Variants in VPS13C observed in about 807,000 individuals in gnomAD.
VPS13C encodes intermembrane lipid transfer protein VPS13C.
Under a neutral mutation model 456.8 loss-of-function variants are expected in VPS13C, and 358 were observed. The ratio of observed to expected loss-of-function variants is 0.78; its 90% confidence interval spans 0.72 to 0.86. The LOEUF is 0.86. VPS13C is among the 40% of genes least tolerant of loss of function. VPS13C has a pLI of 0.00. For missense variants in VPS13C, 4,818 were observed against 4,385.4 expected, an observed-to-expected ratio of 1.10 and a Z score of -2.79; for synonymous variants, 1,578 against 1,486.7, an observed-to-expected ratio of 1.06 and a Z score of -1.41.
Position 61,911,855 on chromosome 15 carries a change from A to AT in VPS13C, c.8699dup (p.Tyr2900Ter). The change falls in exon 63 of 85, where the codon TAT becomes TAAT. Residue 2900 changes from tyrosine (Y) to a stop codon, truncating the protein, a stop_gained and frameshift_variant. Coordinates refer to ENST00000644861, the MANE Select transcript of VPS13C (RefSeq NM_020821.3). LOFTEE classifies it high-confidence loss of function. The stretch of plus-strand genomic sequence containing the variant: ...AAAATGCTACCTCTGAAGAAGCAAT[A>AT]TAGTTCCATTTATTAGTTGGCATTG... ...DGSMPTNKWN[Y>*]IASSECLPFW... 6.2e-7 allele frequency: 1 copy of AT among 1,610,056 alleles called. No homozygotes were observed. Among genetic ancestry groups the AT allele is most frequent in the Non-Finnish European group, 8.5e-7 (1 of 1,178,186 alleles).
chr15:62,048,805 G>A (rs1335236425), intron 1 of VPS13C, among the ~76,000 whole-genome samples: 2 of 152,138 alleles, frequency 1.3e-5, no homozygotes, highest in African/African-American at 4.8e-5. Flanking sequence ...TCTAACTGGT[G>A]TGAGATGGTA....
At chr15:62,017,794 T>G (rs913624676) in intron 9 of VPS13C, among the ~76,000 whole-genome samples, 4 of 152,168 alleles carry the variant, frequency 2.6e-5, no homozygotes, top group Admixed American at 6.5e-5. Context: ...CATACGAACT[T>G]TAAAGTAGTT....
At chr15:61,915,495 CTT>C in intron 61 of VPS13C, 136 bp downstream of exon 61, 1 of 937,238 alleles carries the variant, frequency 1.1e-6, no homozygotes, top group East Asian at 2.7e-5. Context: ...CTTGATTACG[CTT>C]AAGTCTCCTT....
chr15:62,040,510 A>G (rs949198991), intron 3 of VPS13C, among the ~76,000 whole-genome samples: 1 of 152,092 alleles, frequency 6.6e-6, no homozygotes, highest in African/African-American at 2.4e-5. Flanking sequence ...ATTAAAAATA[A>G]AAAAATTTAA....
intron 11 of VPS13C, 27 bp downstream of exon 11, chr15:62,013,012 G>C (rs769035015): frequency 5.1e-6 from 8 of 1,572,708 alleles, no homozygotes; most frequent in Non-Finnish European, 7.0e-6. Flanking sequence ...AGTGAAGTTA[G>C]CTCTTCCAAG....
In VPS13C at chr15:61,964,819, G is replaced by A. The variant is rs2045328484; in HGVS notation, c.3094C>T (p.Leu1032Phe). ...SLNLLLQTQALVASINYLTTI... is the reference protein window; with the variant it reads ...SLNLLLQTQAFVASINYLTTI... ...GTGAGGTAATTAATAGAAGCGACAA[G>A]AGCTTGTGTTTGCAGCAACAGATTT... The change falls in exon 31 of 85, where the codon CTT (leucine) becomes TTT (phenylalanine). Residue 1032 changes from leucine (L) to phenylalanine (F), a missense_variant. Physicochemically the swap from Leu to Phe is conservative, Grantham distance 22. Around this residue, in one of 3 missense-constraint regions of VPS13C, gnomAD observed 4,552 missense variants for 4,130.6 expected, o/e 1.10. Transcript: ENST00000644861. 3.7e-6 allele frequency: 6 copies of A among 1,609,422 alleles called. No homozygotes were observed. The East Asian group carries it at 1.1e-4, about 30-fold the overall frequency.
chr15:62,013,148 C>G (rs367660887), intron 10 of VPS13C, 29 bp from the exon 11 acceptor site: 24 of 1,493,988 alleles, frequency 1.6e-5, no homozygotes, highest in Non-Finnish European at 2.2e-5. Flanking sequence ...AGAGATCAGG[C>G]AATCAACACA....
At chr15:61,887,850 G>C (rs1026927859) in intron 67 of VPS13C, among the ~76,000 whole-genome samples, 10 of 152,082 alleles carry the variant, frequency 6.6e-5, no homozygotes, top group African/African-American at 2.2e-4. Flanking sequence ...GAAGAGAATT[G>C]ATAAGTCTGA....
At chr15:61,908,914 G>T (rs1434931177) in intron 65 of VPS13C, 78 bp downstream of exon 65, 3 of 1,517,810 alleles carry the variant, frequency 2.0e-6, no homozygotes, top group African/African-American at 2.8e-5. Context: ...AAAACATTTT[G>T]AATATGAAAC....
At chr15:61,893,333 A>T (rs1249750944) in intron 66 of VPS13C, among the ~76,000 whole-genome samples, 3 of 152,178 alleles carry the variant, frequency 2.0e-5, no homozygotes, top group African/African-American at 7.2e-5. Context: ...AACATACTCA[A>T]AGTGTTGAAG....
Position 61,922,740 on chromosome 15 carries a change from G to C in VPS13C, c.6632C>G (p.Thr2211Ser). The C allele has an allele frequency of 6.3e-7, 1 of 1,593,532 alleles. No individual in the cohort carries two copies. Among genetic ancestry groups the C allele is most frequent in the Non-Finnish European group, 8.5e-7 (1 of 1,173,108 alleles). ...CAATGCAGCCATGATTGTCAACACAGTATTAAGAATTATGGGTGAAATCTT... is the reference window on the plus strand; with the variant it reads ...CAATGCAGCCATGATTGTCAACACACTATTAAGAATTATGGGTGAAATCTT... ...IIKISPIILN[T>S]VLTIMAALSP... is the part of the protein sequence containing the mutation. Residue 2211 changes from threonine to serine, a missense_variant, in exon 54 of 85, where the codon ACT (threonine) becomes AGT (serine). Physicochemically the swap from Thr to Ser is moderately conservative, Grantham distance 58 (BLOSUM62 1). Transcript: ENST00000644861.
At chr15:61,980,119 G>A (rs2045832103) in intron 22 of VPS13C, among the ~76,000 whole-genome samples, 1 of 135,050 alleles carries the variant, frequency 7.4e-6, no homozygotes, top group Admixed American at 9.1e-5. Context: ...AGGAGGCAAA[G>A]GTTGCAGTGA....
intron 42 of VPS13C, among the ~76,000 whole-genome samples, chr15:61,947,741 A>G (rs920449713): frequency 1.6e-4 from 24 of 152,204 alleles, no homozygotes; most frequent in African/African-American, 5.8e-4. Context: ...AATAAAATAC[A>G]TATTATTTAC....
chr15:62,014,026 G>T (rs769767220), intron 9 of VPS13C, 34 bp from the exon 10 acceptor site: 30 of 1,536,580 alleles, frequency 2.0e-5, no homozygotes, highest in Non-Finnish European at 2.6e-5. Context: ...GTGAAACGTG[G>T]TATGGATGTC....
chr15:61,950,493 AC>A, intron 40 of VPS13C, 76 bp from the exon 41 acceptor site: 3 of 1,150,048 alleles, frequency 2.6e-6, no homozygotes, highest in Non-Finnish European at 3.8e-6. Flanking sequence ...CATATTCTTT[AC>A]TTTTCTAAGT....
At chr15:61,980,435 T>C (rs1398261204) in intron 22 of VPS13C, among the ~76,000 whole-genome samples, 1 of 152,178 alleles carries the variant, frequency 6.6e-6, no homozygotes, top group African/African-American at 2.4e-5. Flanking sequence ...GAGAGTGTTC[T>C]GACAAAGTCA....
intron 19 of VPS13C, among the ~76,000 whole-genome samples, 160 bp downstream of exon 19, chr15:61,984,697 C>T (rs928128475): frequency 6.6e-6 from 1 of 152,064 alleles, no homozygotes; most frequent in Non-Finnish European, 1.5e-5. Context: ...CACACAGCTC[C>T]ACAACAAAAC....
intron 18 of VPS13C, among the ~76,000 whole-genome samples, chr15:61,988,536 T>G (rs534562968): frequency 6.6e-6 from 1 of 152,330 alleles, no homozygotes; most frequent in African/African-American, 2.4e-5. Flanking sequence ...AATTAATTTA[T>G]AGAGTCAATA....
chr15:61,940,544 A>G (rs967280539), intron 47 of VPS13C, 103 bp downstream of exon 47: 2 of 1,168,158 alleles, frequency 1.7e-6, no homozygotes, highest in Non-Finnish European at 2.3e-6. Context: ...AGCTTTATCA[A>G]TAACGTAGCA....
Sources: allele counts gnomAD v4.1 joint callset (sites outside exome capture counted in the v4.1 genomes callset), GRCh38; gene constraint gnomAD v4.1.1; regional missense constraint gnomAD v4.1.1; transcripts MANE v1.5; gene names NCBI Gene and HGNC (gene_info 2026-07-23, HGNC 2026-07-21).